The following PRKCA variants were observed in gnomAD, a reference collection of about 807,000 sequenced individuals.
PRKCA encodes the protein protein kinase C alpha, also known as protein kinase C alpha type.
A neutral mutation model predicts 87.0 loss-of-function variants in PRKCA; 27 were observed. That is an observed-to-expected ratio of 0.31 (90% CI 0.23 to 0.43). The LOEUF is 0.43. Among genes scored for constraint, PRKCA ranks in the 20% least tolerant of loss-of-function variants. The pLI is 1.00. For missense variants in PRKCA, 518 were observed against 852.3 expected, an observed-to-expected ratio of 0.61 and a Z score of 4.88; for synonymous variants, 329 against 311.1, an observed-to-expected ratio of 1.06 and a Z score of -0.61.
At chr17:66,448,483 G>A (rs1409297849) in intron 2 of PRKCA, among the ~76,000 whole-genome samples, 9 of 152,184 alleles carry the variant, frequency 5.9e-5, no homozygotes, top group Admixed American at 5.9e-4. Flanking sequence ...AGGGTGACAC[G>A]TTGCAGTGAA....
intron 3 of PRKCA, among the ~76,000 whole-genome samples, chr17:66,537,577 G>T (rs1044309426): frequency 6.6e-6 from 1 of 152,194 alleles, no homozygotes; most frequent in Non-Finnish European, 1.5e-5. Context: ...TTCAGAGCAT[G>T]TCATAAGAAA....
intron 2 of PRKCA, among the ~76,000 whole-genome samples, chr17:66,439,717 G>A (rs1248691517): frequency 6.6e-6 from 1 of 152,148 alleles, no homozygotes; most frequent in African/African-American, 2.4e-5. Flanking sequence ...TCTGCATTTT[G>A]TCAAAGGATA....
intron 2 of PRKCA, among the ~76,000 whole-genome samples, chr17:66,470,389 C>T (rs4133864): frequency 0.053 from 6,566 of 123,208 alleles, 472 homozygotes; most frequent in African/African-American, 0.16. Flanking sequence ...CCACCATGCC[C>T]GTCTATTTTT....
intron 14 of PRKCA, among the ~76,000 whole-genome samples, chr17:66,782,292 T>TA (rs60097944): frequency 0.34 from 50,576 of 150,302 alleles, 8,684 homozygotes; most frequent in East Asian, 0.57. Context: ...TTATCACAAT[T>TA]AAAAAAAAAA....
At chr17:66,333,126 T>TTCATC (rs1165103121) in intron 2 of PRKCA, among the ~76,000 whole-genome samples, 1 of 152,256 alleles carries the variant, frequency 6.6e-6, no homozygotes, top group Admixed American at 6.5e-5. Context: ...TTACCTCTGT[T>TTCATC]TCATCTGCCA....
intron 3 of PRKCA, among the ~76,000 whole-genome samples, chr17:66,559,479 CAAAAA>C (rs34998780): frequency 1.3e-3 from 47 of 36,720 alleles, no homozygotes; most frequent in Non-Finnish European, 1.9e-3. Flanking sequence ...TCTGTCTCAC[CAAAAA>C]AAAAAAAAAA....
chr17:66,777,823 G>A (rs891535085), intron 14 of PRKCA: 1 of 985,240 alleles, frequency 1.0e-6, no homozygotes, highest in Non-Finnish European at 1.2e-6. Flanking sequence ...GTAGACTCTT[G>A]GCCAGCAGGA....
At chr17:66,745,537 C>T (rs1598912621) in intron 13 of PRKCA, among the ~76,000 whole-genome samples, 3 of 151,448 alleles carry the variant, frequency 2.0e-5, no homozygotes, top group Non-Finnish European at 4.4e-5. Flanking sequence ...AAAAATTAGC[C>T]GGGTGTGGTG....
intron 8 of PRKCA, among the ~76,000 whole-genome samples, chr17:66,697,409 G>C (rs1336286326): frequency 1.3e-5 from 2 of 152,138 alleles, no homozygotes; most frequent in Non-Finnish European, 2.9e-5. Context: ...TCAGAACACT[G>C]TTGGAGGAAA....
At chr17:66,498,150 C>T (rs1403396221) in intron 3 of PRKCA, among the ~76,000 whole-genome samples, 1 of 152,030 alleles carries the variant, frequency 6.6e-6, no homozygotes, top group Non-Finnish European at 1.5e-5. Flanking sequence ...GCCTCCTGCC[C>T]CCTGCCCCGG....
At chr17:66,445,403 G>A (rs1913981357) in intron 2 of PRKCA, among the ~76,000 whole-genome samples, 1 of 152,226 alleles carries the variant, frequency 6.6e-6, no homozygotes, top group South Asian at 2.1e-4. Context: ...TCCAAGCATT[G>A]GAGGCCAGAG....
chr17:66,347,895 T>C (rs1362588833), intron 2 of PRKCA, among the ~76,000 whole-genome samples: 1 of 151,052 alleles, frequency 6.6e-6, no homozygotes, highest in African/African-American at 2.4e-5. Context: ...CCCTGGAGTG[T>C]AGCCAAATGC....
At chr17:66,451,343 AATTTATTTATTTATTTATTT>A (rs60875203) in intron 2 of PRKCA, among the ~76,000 whole-genome samples, 6 of 144,872 alleles carry the variant, frequency 4.1e-5, no homozygotes, top group Admixed American at 2.7e-4. Flanking sequence ...ACGGAGTTAG[AATTTATTTATTTATTTATTT>A]ATTTATTTAT....
intron 3 of PRKCA, among the ~76,000 whole-genome samples, chr17:66,594,956 A>T (rs1969928576): frequency 6.6e-6 from 1 of 152,198 alleles, no homozygotes; most frequent in South Asian, 2.1e-4. Flanking sequence ...AACAATAGAC[A>T]TGTATTCTCT....
intron 8 of PRKCA, among the ~76,000 whole-genome samples, chr17:66,710,077 T>G (rs976735928): frequency 6.6e-6 from 1 of 152,194 alleles, no homozygotes; most frequent in Non-Finnish European, 1.5e-5. Context: ...GTGAGACCAC[T>G]TTCAGACATG....
intron 3 of PRKCA, among the ~76,000 whole-genome samples, chr17:66,557,917 G>T (rs1359188016): frequency 6.6e-6 from 1 of 152,162 alleles, no homozygotes; most frequent in Non-Finnish European, 1.5e-5. Flanking sequence ...CCTCTCCCAG[G>T]CCCCAGTTCT....
intron 2 of PRKCA, among the ~76,000 whole-genome samples, chr17:66,411,626 A>G (rs933074178): frequency 2.6e-5 from 4 of 152,082 alleles, no homozygotes; most frequent in African/African-American, 7.2e-5. Context: ...TGTTGTTTTC[A>G]CTGTTGACAG....
chr17:66,748,769 T>C (rs766766452), intron 13 of PRKCA, among the ~76,000 whole-genome samples: 14 of 151,978 alleles, frequency 9.2e-5, no homozygotes, highest in Non-Finnish European at 2.1e-4. Context: ...GGAAGCATCA[T>C]TTACGTGGCA....
chr17:66,495,525 G>GTATTTTATTT (rs56718851), intron 2 of PRKCA, among the ~76,000 whole-genome samples: 8,539 of 137,282 alleles, frequency 0.062, 364 homozygotes, highest in African/African-American at 0.077. Flanking sequence ...ATGGTGCAAA[G>GTATTTTATTT]TATTTTATTT....
Sources: allele counts gnomAD v4.1 joint callset (sites outside exome capture counted in the v4.1 genomes callset), GRCh38; gene constraint gnomAD v4.1.1; transcripts MANE v1.5; gene names NCBI Gene and HGNC (gene_info 2026-07-23, HGNC 2026-07-21).